VRK3: variants seen among roughly 807,000 people sequenced by gnomAD.
VRK3 encodes the protein VRK serine/threonine kinase 3.
In VRK3, 50 loss-of-function variants were observed where a neutral mutation model predicts 60.4. The observed-to-expected ratio is 0.83, with a 90% confidence interval of 0.66 to 1.05. VRK3 has a LOEUF of 1.05. Ranked by LOEUF, VRK3 falls within the 50% of genes least tolerant of loss-of-function variation. The probability of loss-of-function intolerance (pLI) is 0.00; values close to 1 mark genes in which losing one functional copy is unlikely to be tolerated. For missense variants in VRK3, 549 were observed against 585.3 expected (o/e 0.94, Z 0.64); for synonymous variants, 246 against 227.8 (o/e 1.08, Z -0.72).
intron 3 of VRK3, among the ~76,000 whole-genome samples, chr19:50,014,911 G>T (rs978257674): frequency 6.6e-6 from 1 of 152,172 alleles, no homozygotes; most frequent in African/African-American, 2.4e-5. Flanking sequence ...GGGCAAGAAG[G>T]CTTCTGCATA....
At chr19:50,022,405 C>T (rs1485466757) in intron 1 of VRK3, among the ~76,000 whole-genome samples, 2 of 152,308 alleles carry the variant, frequency 1.3e-5, no homozygotes, top group African/African-American at 2.4e-5. Flanking sequence ...TCGGCTTCTA[C>T]GCTTGTCCCT....
At chr19:50,007,015 C>G (rs573108527) in intron 5 of VRK3, among the ~76,000 whole-genome samples, 16 of 152,210 alleles carry the variant, frequency 1.1e-4, no homozygotes, top group African/African-American at 3.9e-4. Flanking sequence ...CCCAGCCCCA[C>G]CCCCAAGCAC....
intron 3 of VRK3, among the ~76,000 whole-genome samples, chr19:50,012,747 C>T (rs1165149763): frequency 3.9e-5 from 6 of 151,976 alleles, no homozygotes; most frequent in East Asian, 3.9e-4. Flanking sequence ...TGGTGGTGCG[C>T]GGCTGTAATA....
chr19:49,997,509 A>G lies in VRK3; in HGVS notation c.674T>C (p.Leu225Pro). Residue 225 changes from leucine (L) to proline (P), a missense_variant, in exon 7 of 15, where the codon CTG (leucine) becomes CCG (proline). Physicochemically the swap from Leu to Pro is moderately conservative, Grantham distance 98. Coordinates refer to ENST00000316763, the MANE Select transcript of VRK3 (RefSeq NM_016440.4). ...CCCAGTTCCCTGTCAGGTACCTTGC[A>G]GAGGCTTGGCGGCCCGCTGGAAGAA... ...QNFFQRAAKP[L>P]QVNKWKKLYS... 1.2e-6 allele frequency: 2 copies of G among 1,613,920 alleles called. No homozygotes were observed. Among genetic ancestry groups the G allele is most frequent in the Non-Finnish European group, 8.5e-7 (1 of 1,179,910 alleles).
intron 1 of VRK3, among the ~76,000 whole-genome samples, chr19:50,022,939 C>T (rs2077194243): frequency 6.6e-6 from 1 of 151,812 alleles, no homozygotes; most frequent in Non-Finnish European, 1.5e-5. Flanking sequence ...TGCCACTTCC[C>T]TGTTCCCTCT....
At chr19:49,983,068 G>A (rs915805626) in intron 12 of VRK3, among the ~76,000 whole-genome samples, 22 of 151,990 alleles carry the variant, frequency 1.4e-4, no homozygotes, top group Non-Finnish European at 2.9e-4. Context: ...CTGGCCTCCT[G>A]TGTATCCCCA....
intron 12 of VRK3, chr19:49,982,028 A>G (rs547654731): frequency 1.6e-4 from 109 of 664,546 alleles, no homozygotes; most frequent in Admixed American, 4.2e-4. Context: ...ACTCAAAGGG[A>G]GGGAGGTGGT....
chr19:50,012,128 C>T (rs965403760), intron 3 of VRK3, among the ~76,000 whole-genome samples: 31 of 152,104 alleles, frequency 2.0e-4, no homozygotes, highest in African/African-American at 4.3e-4. Context: ...TGCACCACCA[C>T]GCCCAGCTAA....
intron 1 of VRK3, among the ~76,000 whole-genome samples, chr19:50,022,129 G>A (rs1420719746): frequency 1.3e-5 from 2 of 152,174 alleles, no homozygotes; most frequent in Admixed American, 6.5e-5. Context: ...AAAACAGTGG[G>A]GACGCAGCTG....
At chr19:49,979,975 G>A (rs1025548493) in intron 13 of VRK3, among the ~76,000 whole-genome samples, 1 of 151,992 alleles carries the variant, frequency 6.6e-6, no homozygotes, top group Non-Finnish European at 1.5e-5. Context: ...GCTTGAACCC[G>A]GGAGGCAGAG....
chr19:49,993,072 G>A (rs1018704972), intron 9 of VRK3, 120 bp from the exon 10 acceptor site: 1 of 844,540 alleles, frequency 1.2e-6, no homozygotes, highest in African/African-American at 1.7e-5. Flanking sequence ...CTGTGACTGG[G>A]GGTTAAACCT....
At chr19:50,001,128 C>T (rs1024305445) in intron 5 of VRK3, 12 of 381,520 alleles carry the variant, frequency 3.1e-5, no homozygotes, top group African/African-American at 1.9e-4. Flanking sequence ...TCCGGGAGGG[C>T]TCCCAGAATC....
intron 6 of VRK3, chr19:49,999,047 T>G (rs757913444): frequency 2.7e-5 from 4 of 146,166 alleles, no homozygotes; most frequent in Non-Finnish European, 4.5e-5. Context: ...CACTTGAACC[T>G]AGGAGGCTGT....
intron 1 of VRK3, among the ~76,000 whole-genome samples, chr19:50,024,405 T>C (rs1055108234): frequency 4.6e-5 from 7 of 152,104 alleles, no homozygotes; most frequent in Non-Finnish European, 7.4e-5. Context: ...CCAGGTGAGG[T>C]TGGCCTGCCA....
intron 12 of VRK3, chr19:49,987,994 G>A (rs1200933265): frequency 6.1e-6 from 1 of 165,280 alleles, no homozygotes; most frequent in Non-Finnish European, 1.3e-5. Context: ...GAGCCACCGC[G>A]CCCGGCCACA....
At chr19:50,011,143 A>C (rs1255636530) in intron 3 of VRK3, among the ~76,000 whole-genome samples, 1 of 152,132 alleles carries the variant, frequency 6.6e-6, no homozygotes, top group Non-Finnish European at 1.5e-5. Context: ...CCTGCACCCC[A>C]ATAAAACACA....
intron 14 of VRK3, 114 bp downstream of exon 14, chr19:49,978,969 G>T: frequency 8.7e-7 from 1 of 1,144,788 alleles, no homozygotes; most frequent in Non-Finnish European, 1.2e-6. Context: ...TCCCTGGGAA[G>T]CTGGGCCCTG....
intron 3 of VRK3, among the ~76,000 whole-genome samples, chr19:50,010,189 CCTTCT>C (rs1402761563): frequency 6.6e-6 from 1 of 151,930 alleles, no homozygotes; most frequent in South Asian, 2.1e-4. Context: ...TTATTTGGTT[CCTTCT>C]CTTATTTGCC....
At chr19:49,989,807 T>G (rs1304140760) in intron 10 of VRK3, 36 bp from the exon 11 acceptor site, 1 of 1,559,012 alleles carries the variant, frequency 6.4e-7, no homozygotes, top group South Asian at 1.2e-5. Context: ...AGATTGGAGG[T>G]TAGGAGCGTA....
Sources: gnomAD v4.1 joint callset for allele counts (sites outside exome capture counted in the v4.1 genomes callset) on GRCh38, gnomAD v4.1.1 for gene constraint, MANE v1.5 for transcripts, NCBI Gene and HGNC (gene_info 2026-07-23, HGNC 2026-07-21) for gene names.